NLGN1: variants seen among roughly 807,000 people sequenced by gnomAD.
The protein encoded by NLGN1 is neuroligin 1, also known as neuroligin-1.
Under a neutral mutation model 65.5 loss-of-function variants are expected in NLGN1, and 12 were observed. The observed-to-expected ratio is 0.18, with a 90% CI of 0.12 to 0.30. NLGN1 has a LOEUF of 0.30. Among genes scored for constraint, NLGN1 ranks in the 10% least tolerant of loss-of-function variants. The probability of loss-of-function intolerance (pLI) is 1.00; values close to 1 mark genes in which losing one functional copy is unlikely to be tolerated. For missense variants in NLGN1, 750 were observed against 1,007.1 expected (o/e 0.74, Z 3.46); for synonymous variants, 350 against 359.5 (o/e 0.97, Z 0.30).
chr3:174,135,108 A>G (rs893842155), intron 4 of NLGN1, among the ~76,000 whole-genome samples: 2 of 152,144 alleles, frequency 1.3e-5, no homozygotes, highest in Non-Finnish European at 1.5e-5. Context: ...GTGTAACACT[A>G]TTGTTTCTTA....
intron 4 of NLGN1, among the ~76,000 whole-genome samples, chr3:174,094,117 A>G (rs1303091779): frequency 2.0e-5 from 3 of 152,190 alleles, no homozygotes; most frequent in Non-Finnish European, 4.4e-5. Context: ...TAGTGAGGCT[A>G]ACCAAAAACT....
At chr3:174,014,657 A>G (rs1262285439) in intron 4 of NLGN1, among the ~76,000 whole-genome samples, 2 of 152,202 alleles carry the variant, frequency 1.3e-5, no homozygotes, top group Non-Finnish European at 2.9e-5. Context: ...TCTCAATGGC[A>G]TGTCATAAAA....
At chr3:173,709,883 G>T (rs949278929) in intron 3 of NLGN1, among the ~76,000 whole-genome samples, 4 of 151,176 alleles carry the variant, frequency 2.6e-5, no homozygotes, top group South Asian at 2.1e-4. Context: ...TGGAGTGCAG[G>T]TTACAGCTAC....
chr3:174,084,446 TA>T (rs1302474085), intron 4 of NLGN1, among the ~76,000 whole-genome samples: 1 of 152,090 alleles, frequency 6.6e-6, no homozygotes, highest in African/African-American at 2.4e-5. Context: ...TTCTGCTCTC[TA>T]AAAAGACAGT....
At chr3:173,623,424 G>GATGA (rs1754332475) in intron 3 of NLGN1, among the ~76,000 whole-genome samples, 1 of 152,086 alleles carries the variant, frequency 6.6e-6, no homozygotes, top group Non-Finnish European at 1.5e-5. Context: ...ATGTGTTTTG[G>GATGA]ATGAGGTTAA....
intron 3 of NLGN1, among the ~76,000 whole-genome samples, chr3:173,628,988 T>C (rs1019709280): frequency 1.5e-4 from 20 of 129,584 alleles, no homozygotes; most frequent in African/African-American, 6.4e-4. Context: ...TATAATATTT[T>C]TATTACTTAT....
chr3:173,913,696 A>C (rs1740127377), intron 4 of NLGN1, among the ~76,000 whole-genome samples: 1 of 152,214 alleles, frequency 6.6e-6, no homozygotes. Context: ...TATGTCGAGC[A>C]GAAGAACTCA....
Position 174,047,671 on chromosome 3 carries a change from A to G in NLGN1, c.647-227644A>G, listed in dbSNP as rs1407318785. Among the ~76,000 whole-genome samples, 4 of 152,032 alleles carry G rather than the reference A, an allele frequency of 2.6e-5. No homozygotes were observed. The East Asian group carries it at 7.7e-4, about 29-fold the overall frequency. On this transcript the variant is annotated intron_variant, in intron 4 of 6. Coordinates refer to ENST00000457714, the Ensembl canonical transcript of NLGN1. ...ATACACATAGTAATACGTGTTAAGT[A>G]AATATAAAAAACAGCCAGAAAAGAC...
At chr3:174,214,539 C>T (rs931634728) in intron 4 of NLGN1, among the ~76,000 whole-genome samples, 7 of 152,072 alleles carry the variant, frequency 4.6e-5, no homozygotes, top group Admixed American at 1.3e-4. Context: ...TTCACAAGTC[C>T]TTTTGGTGCC....
At chr3:174,284,104 ATGAT>A (rs772016520) in exon 7 of NLGN1, 11 of 151,336 alleles carry the variant, frequency 7.3e-5, no homozygotes, top group Non-Finnish European at 1.5e-4. Context: ...ATTTAGGAAA[ATGAT>A]TGAGGAAAAC....
chr3:173,757,348 G>A (rs1777291765), intron 3 of NLGN1, among the ~76,000 whole-genome samples: 2 of 151,460 alleles, frequency 1.3e-5, no homozygotes, highest in South Asian at 4.2e-4. Context: ...GAAATATTAA[G>A]AAATATTCTT....
At chr3:173,749,657 T>C (rs6794159) in intron 3 of NLGN1, among the ~76,000 whole-genome samples, 23,010 of 151,870 alleles carry the variant, frequency 0.15, 2,092 homozygotes, top group South Asian at 0.26. Flanking sequence ...TTTCCTTAAA[T>C]AGTGCTTCTA....
chr3:173,460,446 A>G (rs1364907716), intron 2 of NLGN1, among the ~76,000 whole-genome samples: 1 of 152,168 alleles, frequency 6.6e-6, no homozygotes. Context: ...GAAACTTGGC[A>G]TCGCTTCTTC....
intron 4 of NLGN1, among the ~76,000 whole-genome samples, chr3:174,225,378 G>A (rs1577444191): frequency 1.3e-5 from 2 of 152,266 alleles, no homozygotes; most frequent in African/African-American, 4.8e-5. Context: ...CAGCCAGCCT[G>A]TAACATGAAT....
chr3:174,067,526 C>T (rs1397769941), intron 4 of NLGN1, among the ~76,000 whole-genome samples: 12 of 152,130 alleles, frequency 7.9e-5, no homozygotes. Context: ...TCTACCGTTA[C>T]TGAGTCAGAT....
At chr3:174,289,927 GTATA>G (rs1221733255), downstream of NLGN1, among the ~76,000 whole-genome samples, 1 of 128,652 alleles carries the variant, frequency 7.8e-6, no homozygotes, top group African/African-American at 2.9e-5. Context: ...ATATATATGT[GTATA>G]TATATATGTA....
chr3:173,708,183 G>C (rs759956633), intron 3 of NLGN1, among the ~76,000 whole-genome samples: 4 of 152,128 alleles, frequency 2.6e-5, no homozygotes, highest in Non-Finnish European at 5.9e-5. Flanking sequence ...TTATAAAATA[G>C]CTACAAACTG....
intron 4 of NLGN1, among the ~76,000 whole-genome samples, chr3:173,879,535 C>T (rs781272458): frequency 4.6e-5 from 7 of 152,106 alleles, no homozygotes; most frequent in Non-Finnish European, 8.8e-5. Context: ...GTTATAATAG[C>T]TGTTTAAAAT....
chr3:173,670,128 T>C (rs1762262629), intron 3 of NLGN1, among the ~76,000 whole-genome samples: 1 of 152,210 alleles, frequency 6.6e-6, no homozygotes, highest in Non-Finnish European at 1.5e-5. Context: ...GAATTCTAGA[T>C]CTTAATTTTC....
Sources: allele counts gnomAD v4.1 joint callset (sites outside exome capture counted in the v4.1 genomes callset), GRCh38; gene constraint gnomAD v4.1.1; transcripts MANE v1.5; gene names NCBI Gene and HGNC (gene_info 2026-07-23, HGNC 2026-07-21).